XRCC5: variants seen among roughly 807,000 people sequenced by gnomAD.
The protein encoded by XRCC5 is X-ray repair cross complementing 5.
Under a neutral mutation model 95.7 loss-of-function variants are expected in XRCC5, and 12 were observed. The observed-to-expected ratio is 0.13, with a 90% CI of 0.08 to 0.20. The LOEUF is 0.20. Ranked by LOEUF, XRCC5 falls within the 10% of genes least tolerant of loss-of-function variation. The pLI is 1.00. For synonymous variants in XRCC5, 281 were observed against 290.3 expected (o/e 0.97, Z 0.33); for missense variants, 595 against 873.9 (o/e 0.68, Z 4.02).
At chr2:216,163,766 G>A (rs1377371435) in intron 16 of XRCC5, among the ~76,000 whole-genome samples, 1 of 152,178 alleles carries the variant, frequency 6.6e-6, no homozygotes, top group African/African-American at 2.4e-5. Flanking sequence ...CAGTCTACCA[G>A]GCTTAAATCC....
intron 16 of XRCC5, among the ~76,000 whole-genome samples, chr2:216,172,721 G>A (rs1689192496): frequency 6.6e-6 from 1 of 152,030 alleles, no homozygotes; most frequent in Non-Finnish European, 1.5e-5. Context: ...AACCTGCCTT[G>A]GCCTCCAAGT....
intron 14 of XRCC5, 93 bp from the exon 15 acceptor site, chr2:216,159,967 CTTTTTTCT>C: frequency 1.7e-6 from 1 of 581,300 alleles, no homozygotes; most frequent in Non-Finnish European, 2.7e-6. Context: ...TCTTCTTCTT[CTTTTTTCT>C]TTTTTTTTTT....
At chr2:216,169,964 G>A (rs1040590988) in intron 16 of XRCC5, among the ~76,000 whole-genome samples, 3 of 145,618 alleles carry the variant, frequency 2.1e-5, no homozygotes, top group Non-Finnish European at 4.5e-5. Context: ...GCTTGAACCC[G>A]GGAGGCGGAG....
chr2:216,170,689 T>C (rs1350959527), intron 16 of XRCC5, among the ~76,000 whole-genome samples: 1 of 152,166 alleles, frequency 6.6e-6, no homozygotes, highest in Non-Finnish European at 1.5e-5. Context: ...GGGCCATCAG[T>C]GCAACAAGGC....
At chr2:216,155,232 A>G (rs1006044004) in intron 14 of XRCC5, among the ~76,000 whole-genome samples, 6 of 89,340 alleles carry the variant, frequency 6.7e-5, no homozygotes, top group African/African-American at 1.9e-4. Flanking sequence ...TGAGACTCCC[A>G]TCTCAAAAAA....
chr2:216,157,009 G>A (rs548198568), intron 14 of XRCC5, among the ~76,000 whole-genome samples: 13 of 152,252 alleles, frequency 8.5e-5, no homozygotes, highest in African/African-American at 2.6e-4. Context: ...CCAGGCGACC[G>A]TCCCCACAGT....
chr2:216,175,459 T>G, intron 16 of XRCC5: 2 of 515,742 alleles, frequency 3.9e-6, no homozygotes, highest in South Asian at 2.8e-5. Flanking sequence ...ACTTTACAGT[T>G]GTGCTTGTTA....
intron 13 of XRCC5, 145 bp downstream of exon 13, chr2:216,141,464 C>T (rs1370276941): frequency 4.7e-6 from 3 of 641,152 alleles, no homozygotes; most frequent in Non-Finnish European, 7.2e-6. Flanking sequence ...ATAACATCTT[C>T]CTCTCCTACT....
intron 8 of XRCC5, among the ~76,000 whole-genome samples, chr2:216,130,366 A>G (rs548897442): frequency 1.3e-5 from 2 of 152,192 alleles, no homozygotes; most frequent in African/African-American, 2.4e-5. Flanking sequence ...TAACTTATCA[A>G]TTGAATGTTT....
At chr2:216,113,753 G>T (rs778045715) in intron 2 of XRCC5, among the ~76,000 whole-genome samples, 11 of 152,210 alleles carry the variant, frequency 7.2e-5, no homozygotes, top group Non-Finnish European at 1.2e-4. Context: ...CTCAGTTGGG[G>T]CTGTCCGTTA....
At chr2:216,189,353 A>G (rs1046283096) in intron 16 of XRCC5, among the ~76,000 whole-genome samples, 3 of 152,230 alleles carry the variant, frequency 2.0e-5, no homozygotes, top group African/African-American at 7.2e-5. Flanking sequence ...TTTAGGCATG[A>G]TTACCCACAT....
intron 15 of XRCC5, among the ~76,000 whole-genome samples, chr2:216,160,481 G>A (rs1688931685): frequency 6.6e-6 from 1 of 152,098 alleles, no homozygotes; most frequent in African/African-American, 2.4e-5. Flanking sequence ...TAGGATAAGT[G>A]GGGGTTAGTG....
rs1490950100 is a variant in XRCC5, at chr2:216,205,590, A to G, written c.*388A>G. 1.6e-5 allele frequency: 3 copies of G among 187,090 alleles called. No individual in the cohort carries two copies. Among genetic ancestry groups the G allele is most frequent in the African/African-American group, 7.1e-5 (3 of 42,326 alleles). The allele number at this position is 187,090 out of a possible 1,614,324, so 11.6% of individuals were successfully genotyped here. ...TCTCATGTGGAACCATGGCATGGTTATTGATGAGTTTCTTAACCCTTTCCA... is the reference window on the plus strand; with the variant it reads ...TCTCATGTGGAACCATGGCATGGTTGTTGATGAGTTTCTTAACCCTTTCCA... On this transcript the variant is annotated 3_prime_UTR_variant, in exon 21 of 21. Coordinates refer to ENST00000392132, the MANE Select transcript of XRCC5 (RefSeq NM_021141.4).
At chr2:216,182,215 A>G (rs1689402542) in intron 16 of XRCC5, among the ~76,000 whole-genome samples, 1 of 152,128 alleles carries the variant, frequency 6.6e-6, no homozygotes, top group Admixed American at 6.5e-5. Flanking sequence ...TTTTCAACTG[A>G]TACCTGCGTT....
Position 216,125,458 on chromosome 2 carries a change from A to G in XRCC5, c.684-459A>G, listed in dbSNP as rs375124458. Among the ~76,000 whole-genome samples, 14 of 152,286 alleles carry G rather than the reference A, an allele frequency of 9.2e-5. No individual in the cohort carries two copies. In the East Asian group the frequency reaches 1.7e-3, roughly 19 times the overall value. On this transcript the variant is annotated intron_variant, in intron 6 of 20. Coordinates refer to ENST00000392132, the MANE Select transcript of XRCC5 (RefSeq NM_021141.4). ...GTGATCCGCCTGCCTTGGCCTCCCA[A>G]AGTGCTAGGATTACAGGTGTAAGTC...
chr2:216,174,965 C>T (rs367975740), intron 16 of XRCC5: 41 of 322,884 alleles, frequency 1.3e-4, no homozygotes, highest in South Asian at 8.4e-4. Flanking sequence ...CAGGAACTCC[C>T]CGAGCTTCTT....
intron 18 of XRCC5, among the ~76,000 whole-genome samples, chr2:216,193,721 A>G (rs1310500460): frequency 6.6e-6 from 1 of 152,246 alleles, no homozygotes; most frequent in African/African-American, 2.4e-5. Context: ...TTTGCTGAAA[A>G]GAAACTTACA....
chr2:216,186,179 T>A (rs1318713495), intron 16 of XRCC5, among the ~76,000 whole-genome samples: 8 of 152,196 alleles, frequency 5.3e-5, no homozygotes, highest in African/African-American at 1.9e-4. Context: ...CCACAATAAA[T>A]GACTTCCTTT....
At chr2:216,192,217 C>T (rs1178788625) in intron 17 of XRCC5, among the ~76,000 whole-genome samples, 1 of 152,154 alleles carries the variant, frequency 6.6e-6, no homozygotes, top group East Asian at 1.9e-4. Flanking sequence ...TGATCTCGAA[C>T]TCCTGACCTC....
Sources: gnomAD v4.1 joint callset for allele counts (sites outside exome capture counted in the v4.1 genomes callset) on GRCh38, gnomAD v4.1.1 for gene constraint, MANE v1.5 for transcripts, NCBI Gene and HGNC (gene_info 2026-07-23, HGNC 2026-07-21) for gene names.